The following FAM81A variants were observed in gnomAD, a reference collection of about 807,000 sequenced individuals.
FAM81A encodes the protein family with sequence similarity 81 member A, also known as protein FAM81A.
FAM81A carries 19 observed loss-of-function variants against 46.7 expected under a neutral mutation model. That is an observed-to-expected ratio of 0.41 (90% confidence interval 0.28 to 0.60). The LOEUF (loss-of-function observed/expected upper bound fraction) is 0.60. Among genes scored for constraint, FAM81A ranks in the 20% least tolerant of loss-of-function variants. The pLI is 0.34. For synonymous variants in FAM81A, 183 were observed against 152.9 expected (o/e 1.20, Z -1.45); for missense variants, 377 against 453.5 (o/e 0.83, Z 1.53).
At chr15:59,520,892 T>C (rs549117261) in intron 8 of FAM81A, among the ~76,000 whole-genome samples, 175 of 152,200 alleles carry the variant, frequency 1.1e-3, no homozygotes, top group African/African-American at 4.1e-3. Flanking sequence ...ATAATTTAGG[T>C]TGTGTATTTT....
At chr15:59,466,808 T>G (rs1333673828) in intron 3 of FAM81A, among the ~76,000 whole-genome samples, 1 of 152,236 alleles carries the variant, frequency 6.6e-6, no homozygotes, top group Non-Finnish European at 1.5e-5. Context: ...TGGTACTGCC[T>G]AGGTTTCTTC....
intron 6 of FAM81A, among the ~76,000 whole-genome samples, chr15:59,510,560 C>A (rs1264961958): frequency 2.6e-5 from 4 of 151,832 alleles, no homozygotes; most frequent in Non-Finnish European, 5.9e-5. Flanking sequence ...CTGGTACCTT[C>A]AGATACTGAG....
At chr15:59,480,485 G>GT (rs1231875345) in intron 3 of FAM81A, among the ~76,000 whole-genome samples, 3 of 152,088 alleles carry the variant, frequency 2.0e-5, no homozygotes, top group Non-Finnish European at 4.4e-5. Flanking sequence ...GGGAAGGGAG[G>GT]TTTTTTAAAG....
intron 4 of FAM81A, among the ~76,000 whole-genome samples, chr15:59,500,320 T>G (rs117997253): frequency 0.011 from 1,707 of 152,266 alleles, 16 homozygotes; most frequent in Middle Eastern, 0.02. Flanking sequence ...TTCCTTTGAG[T>G]TGGAGTCTTA....
At chr15:59,487,458 C>A (rs917277379) in intron 3 of FAM81A, among the ~76,000 whole-genome samples, 1 of 150,582 alleles carries the variant, frequency 6.6e-6, no homozygotes, top group Non-Finnish European at 1.5e-5. Context: ...TTAAAAAAAT[C>A]AATGAAACAA....
intron 2 of FAM81A, among the ~76,000 whole-genome samples, chr15:59,433,111 C>T (rs1209088283): frequency 1.6e-5 from 2 of 128,336 alleles, no homozygotes; most frequent in Non-Finnish European, 1.6e-5. Flanking sequence ...CACTGCGCTC[C>T]AGCCTGGGCA....
chr15:59,523,550 C>T lies in FAM81A; in HGVS notation c.*2172C>T, dbSNP rs1255579587. 1 of 152,208 alleles carries T rather than the reference C, an allele frequency of 6.6e-6. No homozygotes were observed. Among genetic ancestry groups the T allele is most frequent in the Non-Finnish European group, 1.5e-5 (1 of 68,044 alleles). 9.4% of individuals were successfully genotyped at this position (152,208 alleles called of 1,614,324 possible). On this transcript the variant is annotated 3_prime_UTR_variant, in exon 9 of 9. Coordinates refer to ENST00000288228, the MANE Select transcript of FAM81A (RefSeq NM_152450.3). ...AATAAAAAGAAAAATAAAATTTTCACATAAATGTGGTGTATGATTTTTAAA... is the reference window on the plus strand; with the variant it reads ...AATAAAAAGAAAAATAAAATTTTCATATAAATGTGGTGTATGATTTTTAAA...
intron 2 of FAM81A, among the ~76,000 whole-genome samples, chr15:59,419,914 C>G (rs773181817): frequency 6.6e-6 from 1 of 152,102 alleles, no homozygotes; most frequent in Non-Finnish European, 1.5e-5. Context: ...CAAAAACCAA[C>G]TACAGCTCTG....
chr15:59,466,573 T>C (rs1270870897), intron 3 of FAM81A, among the ~76,000 whole-genome samples: 1 of 151,352 alleles, frequency 6.6e-6, no homozygotes, highest in African/African-American at 2.5e-5. Context: ...TTCTTGTAAA[T>C]TTGTTTGAGT....
upstream of FAM81A, among the ~76,000 whole-genome samples, chr15:59,436,306 G>A (rs2081242931): frequency 6.6e-6 from 1 of 151,994 alleles, no homozygotes; most frequent in African/African-American, 2.4e-5. Flanking sequence ...TGTTTTATAG[G>A]TGTTCCATTC....
chr15:59,492,186 C>G (rs1466101514), intron 3 of FAM81A, 85 bp from the exon 4 acceptor site: 17 of 977,410 alleles, frequency 1.7e-5, no homozygotes, highest in Admixed American at 1.1e-4. Context: ...GTTAAACATT[C>G]TTATTTTTGC....
intron 3 of FAM81A, among the ~76,000 whole-genome samples, chr15:59,467,962 A>T (rs879486345): frequency 2.6e-5 from 4 of 152,150 alleles, no homozygotes; most frequent in Non-Finnish European, 4.4e-5. Context: ...ATCTATTGAG[A>T]TAATCATGTG....
rs368051842 is a variant in FAM81A, at chr15:59,441,739, A to G, written c.-78+3457A>G. Among the ~76,000 whole-genome samples the G allele has an allele frequency of 8.5e-5, 13 of 152,214 alleles. No homozygotes were observed. The East Asian group carries it at 2.3e-3, about 27-fold the overall frequency. On this transcript the variant is annotated intron_variant, in intron 1 of 8. Coordinates refer to ENST00000288228, the MANE Select transcript of FAM81A (RefSeq NM_152450.3). ...TGCGCCTCTGTATCTCCCTGTCTCCATGACACTGGTTGTCCAGGCCCACTC... is the reference window on the plus strand; with the variant it reads ...TGCGCCTCTGTATCTCCCTGTCTCCGTGACACTGGTTGTCCAGGCCCACTC...
intron 1 of FAM81A, among the ~76,000 whole-genome samples, chr15:59,441,944 G>T (rs1399738821): frequency 6.6e-6 from 1 of 152,164 alleles, no homozygotes; most frequent in South Asian, 2.1e-4. Context: ...GGGCGCCCTC[G>T]CCCACTTGTA....
chr15:59,457,096 T>G (rs940830025), intron 1 of FAM81A, among the ~76,000 whole-genome samples: 3 of 152,258 alleles, frequency 2.0e-5, no homozygotes, highest in African/African-American at 7.2e-5. Flanking sequence ...GGCCTGATTT[T>G]ATTTACGGTA....
intron 3 of FAM81A, among the ~76,000 whole-genome samples, chr15:59,466,239 T>A (rs1235052206): frequency 3.9e-5 from 6 of 152,226 alleles, no homozygotes; most frequent in African/African-American, 1.4e-4. Flanking sequence ...GATTGCTGGG[T>A]CAAATGGTAA....
At position 59,492,366 on chromosome 15, in the gene FAM81A, A is replaced by C; in HGVS notation, c.390A>C (p.Gly130=). The C allele has an allele frequency of 1.2e-6, 2 of 1,613,556 alleles. No homozygotes were observed. Among genetic ancestry groups the C allele is most frequent in the Non-Finnish European group, 1.7e-6 (2 of 1,179,746 alleles). ...AGATGCGCCAGCTCTCCGGTTTGGG[A>C]GATCTTCGAGGAAGAGTGGCAAGGT... ...TLEMRQLSGL[G]DLRGRVARCD... The change falls in exon 4 of 9, where the codon GGA becomes GGC. Residue 130 remains glycine (G), a synonymous_variant. Coordinates refer to ENST00000288228, the MANE Select transcript of FAM81A (RefSeq NM_152450.3).
Position 59,487,647 on chromosome 15 carries a change from A to T in FAM81A, c.295-4624A>T, listed in dbSNP as rs1377618506. 2.0e-5 allele frequency among the ~76,000 whole-genome samples: 3 copies of T among 152,144 alleles called. No individual in the cohort carries two copies. In the East Asian group the frequency reaches 5.8e-4, roughly 29 times the overall value. ...AGCAACTATATGCCAAAAAACTAGA[A>T]AACCTAGAAGAAATGGATAAATTCT... On this transcript the variant is annotated intron_variant, in intron 3 of 8. Transcript: ENST00000288228.
At chr15:59,467,634 T>C (rs903780999) in intron 3 of FAM81A, among the ~76,000 whole-genome samples, 33 of 152,192 alleles carry the variant, frequency 2.2e-4, no homozygotes, top group Middle Eastern at 3.2e-3. Context: ...TTTCTAAATA[T>C]ACAATCATGT....
Sources: allele counts gnomAD v4.1 joint callset (sites outside exome capture counted in the v4.1 genomes callset), GRCh38; gene constraint gnomAD v4.1.1; transcripts MANE v1.5; gene names NCBI Gene and HGNC (gene_info 2026-07-23, HGNC 2026-07-21).